ENTHD1: variants seen among roughly 807,000 people sequenced by gnomAD.
The protein encoded by ENTHD1 is ENTH domain-containing protein 1.
Under a neutral mutation model 39.1 loss-of-function variants are expected in ENTHD1, and 23 were observed. The ratio of observed to expected loss-of-function variants is 0.59; its 90% CI spans 0.42 to 0.83. ENTHD1 has a LOEUF of 0.83. ENTHD1 is among the 40% of genes least tolerant of loss of function. The pLI, the probability that ENTHD1 is intolerant of heterozygous loss-of-function variation, is 0.00. For missense variants in ENTHD1, 624 were observed against 705.4 expected, an observed-to-expected ratio of 0.88 and a Z score of 1.31; for synonymous variants, 230 against 258.2, an observed-to-expected ratio of 0.89 and a Z score of 1.05.
intron 3 of ENTHD1, among the ~76,000 whole-genome samples, chr22:39,845,190 T>G (rs2065977127): frequency 6.6e-6 from 1 of 151,092 alleles, no homozygotes; most frequent in African/African-American, 2.4e-5. Flanking sequence ...ACAGCCAAAG[T>G]TTATTGTGCT....
chr22:39,765,469 C>T lies in ENTHD1; in HGVS notation c.973G>A (p.Gly325Ser). 6.2e-7 allele frequency: 1 copy of T among 1,613,852 alleles called. No homozygotes were observed. ...GGTAAAATTGTCAATGTTTTAAGAC[C>T]TTCTGCAGCTGATTGCTTTTCTAAA... ...TPLEKQSAAE[G>S]LKTLTILPAC... is the part of the protein sequence containing the mutation. Residue 325 changes from glycine to serine, a missense_variant, in exon 6 of 7, where the codon GGT (glycine) becomes AGT (serine). By Grantham distance (56) the Gly-to-Ser change is moderately conservative. Transcript: ENST00000325157.
intron 2 of ENTHD1, among the ~76,000 whole-genome samples, chr22:39,868,599 T>G (rs1396517068): frequency 6.6e-6 from 1 of 152,042 alleles, no homozygotes; most frequent in East Asian, 1.9e-4. Context: ...CAAAAGCAAC[T>G]GCAATAAAAC....
At chr22:39,878,233 T>C (rs1475422650) in intron 2 of ENTHD1, among the ~76,000 whole-genome samples, 1 of 152,104 alleles carries the variant, frequency 6.6e-6, no homozygotes, top group Non-Finnish European at 1.5e-5. Context: ...GGAGGACATC[T>C]CAATAGAAAC....
At chr22:39,855,132 C>A (rs1156652864) in intron 3 of ENTHD1, among the ~76,000 whole-genome samples, 5 of 152,208 alleles carry the variant, frequency 3.3e-5, no homozygotes, top group Non-Finnish European at 5.9e-5. Context: ...CAATTTGTAT[C>A]TCCTTCATTT....
chr22:39,881,702 C>T (rs2066340018), intron 2 of ENTHD1, among the ~76,000 whole-genome samples: 1 of 151,976 alleles, frequency 6.6e-6, no homozygotes, highest in Non-Finnish European at 1.5e-5. Flanking sequence ...AGATGAGAAG[C>T]GCTATGGGGA....
chr22:39,815,709 C>A (rs1418734991), intron 5 of ENTHD1, among the ~76,000 whole-genome samples: 1 of 151,928 alleles, frequency 6.6e-6, no homozygotes, highest in African/African-American at 2.4e-5. Context: ...GCATTGTTTA[C>A]AATACAATAA....
Position 39,887,622 on chromosome 22 carries a change from A to G in ENTHD1, c.127T>C (p.Leu43=). The change falls in exon 2 of 7, where the codon TTG becomes CTG. Residue 43 remains leucine, a synonymous_variant. Transcript: ENST00000325157. The stretch of plus-strand genomic sequence containing the variant: ...GAGAGAGAAATTGTGTTGAAAGTCA[A>G]GTCACTGATATCTAACATCAGAGAA... The part of the protein sequence containing the change: ...SSSLMLDISD[L]TFNTISLSEI... 1.9e-6 allele frequency: 3 copies of G among 1,614,182 alleles called. No individual in the cohort carries two copies. Among genetic ancestry groups the G allele is most frequent in the Non-Finnish European group, 2.5e-6 (3 of 1,180,036 alleles).
intron 2 of ENTHD1, among the ~76,000 whole-genome samples, chr22:39,877,428 G>A (rs1002588037): frequency 6.6e-6 from 1 of 152,212 alleles, no homozygotes; most frequent in African/African-American, 2.4e-5. Context: ...TCTTGGATCC[G>A]TCAGAGAGGT....
intron 4 of ENTHD1, among the ~76,000 whole-genome samples, chr22:39,831,904 G>A (rs1182140808): frequency 6.6e-6 from 1 of 152,058 alleles, no homozygotes; most frequent in African/African-American, 2.4e-5. Context: ...ATAATGAAAA[G>A]GATAACATTT....
intron 6 of ENTHD1, among the ~76,000 whole-genome samples, chr22:39,762,022 T>G (rs2065237476): frequency 6.6e-6 from 1 of 152,224 alleles, no homozygotes; most frequent in South Asian, 2.1e-4. Context: ...TGATACATTG[T>G]AAAGTGTCTG....
intron 4 of ENTHD1, among the ~76,000 whole-genome samples, chr22:39,829,379 CAAA>C (rs71721601): frequency 3.7e-5 from 4 of 109,480 alleles, no homozygotes; most frequent in African/African-American, 1.0e-4. Flanking sequence ...AAGACAGATA[CAAA>C]AAAAAAAAAA....
chr22:39,850,139 T>C (rs1174531214), intron 3 of ENTHD1, among the ~76,000 whole-genome samples: 2 of 152,226 alleles, frequency 1.3e-5, no homozygotes, highest in African/African-American at 4.8e-5. Context: ...AAAAAAAGTT[T>C]CATGTCCTTC....
chr22:39,787,372 A>G (rs184852133), intron 5 of ENTHD1, among the ~76,000 whole-genome samples: 1 of 152,308 alleles, frequency 6.6e-6, no homozygotes, highest in East Asian at 1.9e-4. Context: ...AGGAAGAGTC[A>G]TGTGTTTCTT....
chr22:39,787,702 T>C (rs2065470768), intron 5 of ENTHD1, among the ~76,000 whole-genome samples: 1 of 152,186 alleles, frequency 6.6e-6, no homozygotes, highest in Non-Finnish European at 1.5e-5. Flanking sequence ...ATGAGCAAGC[T>C]GCAGAAGAAA....
chr22:39,803,440 G>A (rs1199011518), intron 5 of ENTHD1, among the ~76,000 whole-genome samples: 1 of 151,882 alleles, frequency 6.6e-6, no homozygotes, highest in Non-Finnish European at 1.5e-5. Context: ...TTCCTTCATA[G>A]CACATGTTAC....
intron 5 of ENTHD1, among the ~76,000 whole-genome samples, chr22:39,810,204 C>T (rs1190824318): frequency 6.6e-6 from 1 of 152,166 alleles, no homozygotes; most frequent in Non-Finnish European, 1.5e-5. Context: ...AAGCTATTCA[C>T]AACAATGACT....
intron 2 of ENTHD1, chr22:39,875,796 G>C: frequency 6.2e-7 from 1 of 1,613,406 alleles, no homozygotes; most frequent in Admixed American, 1.7e-5. Context: ...GCTTTCAAAT[G>C]GAGAGGCAAA....
chr22:39,876,620 T>C (rs999716787), intron 2 of ENTHD1, among the ~76,000 whole-genome samples: 5 of 152,088 alleles, frequency 3.3e-5, no homozygotes, highest in Admixed American at 2.0e-4. Context: ...ATGTTCTTTA[T>C]TGTGCTATGG....
chr22:39,809,470 C>T (rs1295232016), intron 5 of ENTHD1, among the ~76,000 whole-genome samples: 3 of 152,142 alleles, frequency 2.0e-5, no homozygotes, highest in African/African-American at 4.8e-5. Flanking sequence ...AACATCTCAA[C>T]AGGATGTGAA....
Sources: allele counts gnomAD v4.1 joint callset (sites outside exome capture counted in the v4.1 genomes callset), GRCh38; gene constraint gnomAD v4.1.1; transcripts MANE v1.5; gene names NCBI Gene and HGNC (gene_info 2026-07-23, HGNC 2026-07-21).